The following PRKD3 variants were observed in gnomAD, a reference collection of about 807,000 sequenced individuals.
The protein encoded by PRKD3 is serine/threonine-protein kinase D3.
PRKD3 carries 47 observed loss-of-function variants against 99.2 expected under a neutral mutation model. The observed-to-expected ratio is 0.47, with a 90% CI of 0.38 to 0.60. PRKD3 has a LOEUF of 0.60. Among genes scored for constraint, PRKD3 ranks in the 20% least tolerant of loss-of-function variants. The pLI is 0.00. For synonymous variants in PRKD3, 392 were observed against 355.4 expected (o/e 1.10, Z -1.16); for missense variants, 1,019 against 1,088.4 (o/e 0.94, Z 0.90).
chr2:37,299,253 C>T (rs1670806724), intron 2 of PRKD3, among the ~76,000 whole-genome samples: 1 of 152,068 alleles, frequency 6.6e-6, no homozygotes, highest in South Asian at 2.1e-4. Flanking sequence ...TATGCTGAAC[C>T]ATCCTCATAT....
At position 37,287,181 on chromosome 2, in the gene PRKD3, G is replaced by C. The variant is rs145087581; in HGVS notation, c.718-812C>G. Among the ~76,000 whole-genome samples the C allele has an allele frequency of 5.3e-3, 677 of 127,898 alleles. 5 individuals carry two copies. Among genetic ancestry groups the C allele is most frequent in the African/African-American group, 0.019 (636 of 33,838 alleles). 83.9% of individuals were successfully genotyped at this position (127,898 alleles called of 152,430 possible). On this transcript the variant is annotated intron_variant, in intron 5 of 18. Transcript: ENST00000234179. ...GGAGGTGGAGGTTCCGGTAAGCCGA[G>C]ATCATGCCATTGGACTCCAGCCTGG...
chr2:37,302,952 T>A (rs1318253670), intron 2 of PRKD3, among the ~76,000 whole-genome samples: 3 of 152,174 alleles, frequency 2.0e-5, no homozygotes. Context: ...GCCTGCTCTC[T>A]CCTGATTGGT....
chr2:37,265,154 G>C (rs1000792090), intron 14 of PRKD3, among the ~76,000 whole-genome samples: 2 of 150,562 alleles, frequency 1.3e-5, no homozygotes, highest in Admixed American at 1.3e-4. Flanking sequence ...TGGGTGATGA[G>C]GGAGGACTAC....
intron 4 of PRKD3, among the ~76,000 whole-genome samples, chr2:37,289,979 A>T (rs1670321150): frequency 6.6e-6 from 1 of 152,222 alleles, no homozygotes; most frequent in Non-Finnish European, 1.5e-5. Context: ...ATAAAGTTTT[A>T]TTGGAACACA....
chr2:37,267,651 T>G, intron 13 of PRKD3, 115 bp from the exon 14 acceptor site: 1 of 820,376 alleles, frequency 1.2e-6, no homozygotes. Flanking sequence ...TTGGCTCATT[T>G]TTGTTCTTTC....
intron 13 of PRKD3, chr2:37,269,195 G>T: frequency 5.2e-6 from 1 of 191,772 alleles, no homozygotes; most frequent in Non-Finnish European, 1.1e-5. Flanking sequence ...CGCAAAGTTG[G>T]ATTTCAGGTT....
At chr2:37,267,327 TA>T in intron 14 of PRKD3, 102 bp downstream of exon 14, 1 of 741,932 alleles carries the variant, frequency 1.3e-6, no homozygotes, top group Non-Finnish European at 2.1e-6. Flanking sequence ...TATATTACCA[TA>T]ATCTAATTTT....
chr2:37,275,664 T>C (rs375495284), intron 10 of PRKD3, 103 bp downstream of exon 10: 2 of 1,245,982 alleles, frequency 1.6e-6, no homozygotes, highest in East Asian at 6.0e-5. Context: ...TAAACCATAC[T>C]AGCTAGAGTC....
In PRKD3 at chr2:37,268,040, T is replaced by C. The variant is rs1668963204; in HGVS notation, c.1778-504A>G. ...AAAAAAAGGTAGAAGTTTATTATAA[T>C]GAACAGTCATTCCCTCATTTATTAA... On this transcript the variant is annotated intron_variant, in intron 13 of 18. Coordinates refer to ENST00000234179, the MANE Select transcript of PRKD3 (RefSeq NM_005813.6). 10 of 198,140 alleles carry C rather than the reference T, an allele frequency of 5.0e-5. No individual in the cohort carries two copies. The South Asian group carries it at 7.4e-4, about 15-fold the overall frequency. 12.3% of individuals were successfully genotyped at this position (198,140 alleles called of 1,614,324 possible).
chr2:37,296,602 T>C (rs1222333184), intron 2 of PRKD3, among the ~76,000 whole-genome samples: 2 of 151,794 alleles, frequency 1.3e-5, no homozygotes, highest in Non-Finnish European at 2.9e-5. Context: ...TATTTAGAAA[T>C]TACGTAAGAG....
At chr2:37,276,795 C>T (rs12611683) in intron 9 of PRKD3, among the ~76,000 whole-genome samples, 100,850 of 149,628 alleles carry the variant, frequency 0.67, 34,451 homozygotes, top group East Asian at 0.98. Context: ...TGTATATATA[C>T]ACACACACAC....
chr2:37,253,672 C>T (rs1667700183), intron 18 of PRKD3, among the ~76,000 whole-genome samples: 1 of 152,130 alleles, frequency 6.6e-6, no homozygotes, highest in Non-Finnish European at 1.5e-5. Flanking sequence ...CTAAACCTTA[C>T]TCAAAGTGGG....
At chr2:37,272,228 T>C (rs888832810) in intron 12 of PRKD3, 152 bp downstream of exon 12, 2 of 1,152,258 alleles carry the variant, frequency 1.7e-6, no homozygotes, top group Non-Finnish European at 2.4e-6. Flanking sequence ...CCTAGTTTCC[T>C]CTATAAAGCA....
At chr2:37,264,539 T>G (rs1017885691) in intron 14 of PRKD3, among the ~76,000 whole-genome samples, 34 of 149,652 alleles carry the variant, frequency 2.3e-4, no homozygotes, top group Non-Finnish European at 4.2e-4. Flanking sequence ...GAGGGTGGGT[T>G]TAATGCTGAA....
Position 37,290,974 on chromosome 2 carries a change from C to G in PRKD3, c.453G>C (p.Gln151His). The G allele has an allele frequency of 6.2e-7, 1 of 1,609,142 alleles. No individual in the cohort carries two copies. Among genetic ancestry groups the G allele is most frequent in the Non-Finnish European group, 8.5e-7 (1 of 1,176,896 alleles). The change falls in exon 4 of 19, where the codon CAG becomes CAC. Residue 151 changes from glutamine (Q) to histidine (H), a missense_variant. This residue lies in a region of PRKD3 where 710 missense variants were observed against 692.7 expected (regional missense o/e 1.02). Coordinates refer to ENST00000234179, the MANE Select transcript of PRKD3 (RefSeq NM_005813.6). ...GTACATAGAGAGTATGTGGACGAAT[C>G]TGGAAGTCTTCTACTGTGGCTAAAG... Reference protein sequence around the residue: ...LSALATVEDFQIRPHTLYVHS... With the variant: ...LSALATVEDFHIRPHTLYVHS...
intron 3 of PRKD3, among the ~76,000 whole-genome samples, chr2:37,292,235 T>C (rs1016424083): frequency 3.9e-5 from 6 of 152,338 alleles, no homozygotes; most frequent in Middle Eastern, 3.4e-3. Flanking sequence ...AGAATTTCAG[T>C]GTAACTGTTT....
chr2:37,270,368 A>AAC (rs1491453739), intron 12 of PRKD3, among the ~76,000 whole-genome samples: 1 of 150,866 alleles, frequency 6.6e-6, no homozygotes, highest in Non-Finnish European at 1.5e-5. Flanking sequence ...AAAAAAAAAA[A>AAC]CTCAAAAGTT....
rs1667623539 is a variant in PRKD3 at position 37,252,894 on chromosome 2, CTATTG to C, written c.*278_*282del. 5.9e-6 allele frequency: 1 copy of C among 169,552 alleles called. No homozygotes were observed. Among genetic ancestry groups the C allele is most frequent in the Non-Finnish European group, 1.2e-5 (1 of 82,282 alleles). The allele number at this position is 169,552 out of a possible 1,614,324, so 10.5% of individuals were successfully genotyped here. On this transcript the variant is annotated 3_prime_UTR_variant, in exon 19 of 19. Coordinates refer to ENST00000234179, the MANE Select transcript of PRKD3 (RefSeq NM_005813.6). ...AAATGGGAAGACAAATTAAGTGAGC[CTATTG>C]TATTAAAGTGAAGGATTAAGAAAAA...
At chr2:37,287,853 A>C (rs1207784561) in intron 5 of PRKD3, among the ~76,000 whole-genome samples, 2 of 152,178 alleles carry the variant, frequency 1.3e-5, no homozygotes, top group African/African-American at 4.8e-5. Flanking sequence ...GCCTTCTTTA[A>C]TTTTGCTTTT....
Sources: allele counts gnomAD v4.1 joint callset (sites outside exome capture counted in the v4.1 genomes callset), GRCh38; gene constraint gnomAD v4.1.1; regional missense constraint gnomAD v4.1.1; transcripts MANE v1.5; gene names NCBI Gene and HGNC (gene_info 2026-07-23, HGNC 2026-07-21).